The following XRN2 variants were observed in gnomAD, a reference collection of about 807,000 sequenced individuals.
XRN2 encodes the protein DHM1-like protein.
XRN2 carries 44 observed loss-of-function variants against 138.5 expected under a neutral mutation model. That is an observed-to-expected ratio of 0.32 (90% confidence interval 0.25 to 0.41). XRN2 has a LOEUF of 0.41. Ranked by LOEUF, XRN2 falls within the 10% of genes least tolerant of loss-of-function variation. The probability of loss-of-function intolerance (pLI) is 1.00; values close to 1 mark genes in which losing one functional copy is unlikely to be tolerated. For synonymous variants in XRN2, 354 were observed against 369.4 expected (o/e 0.96, Z 0.48); for missense variants, 937 against 1,169.3 (o/e 0.80, Z 2.90).
intron 27 of XRN2, among the ~76,000 whole-genome samples, chr20:21,378,863 G>A (rs2038853039): frequency 6.6e-6 from 1 of 152,170 alleles, no homozygotes; most frequent in African/African-American, 2.4e-5. Context: ...TGTTTGATTT[G>A]TCTTTGATGT....
chr20:21,325,086 C>T (rs1430685056), intron 1 of XRN2, among the ~76,000 whole-genome samples: 2 of 152,192 alleles, frequency 1.3e-5, no homozygotes, highest in Non-Finnish European at 2.9e-5. Context: ...GTACTTGGTA[C>T]TTCATGACTG....
intron 1 of XRN2, among the ~76,000 whole-genome samples, chr20:21,324,224 C>T (rs1347914698): frequency 2.0e-5 from 3 of 151,662 alleles, no homozygotes; most frequent in African/African-American, 7.3e-5. Context: ...TTTCTTGATT[C>T]ACAGCATGTA....
At chr20:21,367,790 T>C (rs2038719822) in intron 26 of XRN2, among the ~76,000 whole-genome samples, 1 of 152,158 alleles carries the variant, frequency 6.6e-6, no homozygotes, top group South Asian at 2.1e-4. Flanking sequence ...TCTTAACTTT[T>C]TCCATTATTT....
intron 5 of XRN2, 36 bp downstream of exon 5, chr20:21,330,575 T>G (rs748291751): frequency 6.2e-7 from 1 of 1,613,606 alleles, no homozygotes; most frequent in Non-Finnish European, 8.5e-7. Context: ...TATTGCTAAC[T>G]CTTAAATGAT....
intron 25 of XRN2, 23 bp from the exon 26 acceptor site, chr20:21,365,550 G>T (rs1438223927): frequency 1.2e-6 from 2 of 1,613,312 alleles, no homozygotes; most frequent in Admixed American, 3.3e-5. Context: ...CTATTACTAA[G>T]TGTTGTCTTT....
At chr20:21,320,628 G>T (rs1278121187) in intron 1 of XRN2, among the ~76,000 whole-genome samples, 1 of 149,730 alleles carries the variant, frequency 6.7e-6, no homozygotes, top group Non-Finnish European at 1.5e-5. Flanking sequence ...ATGGAGTCTT[G>T]CTGTCACCCA....
chr20:21,333,046 T>C (rs1288323420), intron 9 of XRN2, among the ~76,000 whole-genome samples: 1 of 152,180 alleles, frequency 6.6e-6, no homozygotes, highest in African/African-American at 2.4e-5. Context: ...GGTGCCTCTT[T>C]CAAAGACATC....
rs1190523045 is a variant in XRN2, at chr20:21,384,917, CAT to C, written c.2649-1950_2649-1949del. 4.6e-5 allele frequency among the ~76,000 whole-genome samples: 7 copies of C among 152,230 alleles called. No homozygotes were observed. In the East Asian group the frequency reaches 9.6e-4, roughly 21 times the overall value. On this transcript the variant is annotated intron_variant, in intron 28 of 29. Transcript: ENST00000377191. ...TTGCAAAATATATAATTAGTCTAGA[CAT>C]GTGATAAACTTGTTGAAAATAAAGG...
intron 1 of XRN2, among the ~76,000 whole-genome samples, chr20:21,315,012 C>G (rs1483910773): frequency 1.3e-5 from 2 of 152,222 alleles, no homozygotes; most frequent in African/African-American, 4.8e-5. Flanking sequence ...GGGAGAGGAA[C>G]CCTGAAAGGC....
intron 1 of XRN2, among the ~76,000 whole-genome samples, chr20:21,321,113 T>C (rs2038036834): frequency 6.6e-6 from 1 of 152,110 alleles, no homozygotes; most frequent in African/African-American, 2.4e-5. Context: ...CTTCCGGGGC[T>C]CAGGTGATTC....
intron 24 of XRN2, among the ~76,000 whole-genome samples, chr20:21,359,515 AC>A (rs2038612932): frequency 6.7e-6 from 1 of 149,396 alleles, no homozygotes; most frequent in Non-Finnish European, 1.5e-5. Flanking sequence ...ACAGAGCAAG[AC>A]TCCATCTCAA....
intron 6 of XRN2, among the ~76,000 whole-genome samples, 162 bp from the exon 7 acceptor site, chr20:21,331,399 T>A (rs908723869): frequency 3.3e-4 from 48 of 144,050 alleles, no homozygotes; most frequent in African/African-American, 1.2e-3. Context: ...TTGGTGTTTT[T>A]CACACACACA....
chr20:21,327,127 C>A (rs923866263), intron 3 of XRN2, among the ~76,000 whole-genome samples: 2 of 152,094 alleles, frequency 1.3e-5, no homozygotes, highest in Non-Finnish European at 2.9e-5. Flanking sequence ...GTGCCTTTGA[C>A]CACACTGACA....
At chr20:21,318,177 TTTCATCTA>T (rs2037985829) in intron 1 of XRN2, among the ~76,000 whole-genome samples, 1 of 152,214 alleles carries the variant, frequency 6.6e-6, no homozygotes, top group Admixed American at 6.5e-5. Flanking sequence ...AATTTGTCCA[TTTCATCTA>T]AGTTATCTAA....
rs1000377456 is a variant in XRN2 at position 21,389,489 on chromosome 20, C to G, written c.*151C>G. The G allele has an allele frequency of 6.1e-5, 40 of 653,746 alleles. No homozygotes were observed. The highest frequency in any genetic ancestry group is 2.6e-4 in the Middle Eastern group (1 of 3,876). 40.5% of individuals were successfully genotyped at this position (653,746 alleles called of 1,614,324 possible). On this transcript the variant is annotated 3_prime_UTR_variant, in exon 30 of 30. Coordinates refer to ENST00000377191, the MANE Select transcript of XRN2 (RefSeq NM_012255.5). The stretch of plus-strand genomic sequence containing the variant: ...GTATATTTCTACTGATCTGATCTCA[C>G]TGTTTATGTTGCTTTCCAAAGATGT...
chr20:21,339,011 A>G, intron 13 of XRN2, 33 bp from the exon 14 acceptor site: 2 of 1,577,750 alleles, frequency 1.3e-6, no homozygotes, highest in East Asian at 2.3e-5. Flanking sequence ...TTGTGTAATT[A>G]TTTGACAGAA....
chr20:21,316,269 CAAAA>C (rs948223982), intron 1 of XRN2, among the ~76,000 whole-genome samples: 1 of 152,138 alleles, frequency 6.6e-6, no homozygotes, highest in Non-Finnish European at 1.5e-5. Flanking sequence ...AACAAACAAA[CAAAA>C]AAGTTTAAAA....
chr20:21,358,093 A>G lies in XRN2; in HGVS notation c.2255+301A>G, dbSNP rs114265475. On this transcript the variant is annotated intron_variant, in intron 24 of 29. Transcript: ENST00000377191. ...GAGTAGGAGTATCTAGCAGTTTGTTATATAGGAACAAACAGAACTCTACAC... is the reference window on the plus strand; with the variant it reads ...GAGTAGGAGTATCTAGCAGTTTGTTGTATAGGAACAAACAGAACTCTACAC... 5.8e-3 allele frequency among the ~76,000 whole-genome samples: 878 copies of G among 152,280 alleles called. 7 individuals carry two copies. Among genetic ancestry groups the G allele is most frequent in the African/African-American group, 0.02 (845 of 41,554 alleles).
At chr20:21,359,329 G>A (rs2038611064) in intron 24 of XRN2, among the ~76,000 whole-genome samples, 1 of 152,110 alleles carries the variant, frequency 6.6e-6, no homozygotes, top group Admixed American at 6.5e-5. Flanking sequence ...GAGATCAGGA[G>A]TTCAAGACTA....
Sources: allele counts gnomAD v4.1 joint callset (sites outside exome capture counted in the v4.1 genomes callset), GRCh38; gene constraint gnomAD v4.1.1; transcripts MANE v1.5; gene names NCBI Gene and HGNC (gene_info 2026-07-23, HGNC 2026-07-21).